ARPP21: variants seen among roughly 807,000 people sequenced by gnomAD.
The protein encoded by ARPP21 is cAMP-regulated phosphoprotein 21.
A neutral mutation model predicts 113.2 loss-of-function variants in ARPP21; 69 were observed. The ratio of observed to expected loss-of-function variants is 0.61; its 90% CI spans 0.50 to 0.74. ARPP21 has a LOEUF of 0.74. Among genes scored for constraint, ARPP21 ranks in the 30% least tolerant of loss-of-function variants. The pLI is 0.00. For missense variants in ARPP21, 1,070 were observed against 1,037.4 expected, an observed-to-expected ratio of 1.03 and a Z score of -0.43; for synonymous variants, 368 against 375.5, an observed-to-expected ratio of 0.98 and a Z score of 0.23.
intron 19 of ARPP21, among the ~76,000 whole-genome samples, chr3:35,785,425 C>G (rs950458388): frequency 5.3e-5 from 8 of 152,146 alleles, no homozygotes; most frequent in Non-Finnish European, 1.0e-4. Context: ...TCAATGCTGG[C>G]TTCCCTTGGA....
At chr3:35,760,399 C>A (rs1400634220) in intron 19 of ARPP21, among the ~76,000 whole-genome samples, 3 of 152,060 alleles carry the variant, frequency 2.0e-5, no homozygotes, top group Non-Finnish European at 4.4e-5. Flanking sequence ...TGCCATCTGG[C>A]TCTTTCTGCT....
intron 19 of ARPP21, chr3:35,744,438 G>T (rs1423086327): frequency 1.9e-6 from 1 of 519,746 alleles, no homozygotes. Context: ...TCACTTTCAT[G>T]ATGGCCACAT....
chr3:35,776,773 G>A (rs2096382305), intron 19 of ARPP21, among the ~76,000 whole-genome samples: 1 of 152,066 alleles, frequency 6.6e-6, no homozygotes, highest in African/African-American at 2.4e-5. Flanking sequence ...CAGCAGACTG[G>A]CTGTCCTAAA....
chr3:35,692,737 T>C (rs1450597994), intron 9 of ARPP21, among the ~76,000 whole-genome samples: 1 of 151,654 alleles, frequency 6.6e-6, no homozygotes, highest in Non-Finnish European at 1.5e-5. Context: ...AAACCTGATC[T>C]GCCCGGTATG....
At chr3:35,685,917 C>G (rs779581023) in intron 5 of ARPP21, 2 of 452,210 alleles carry the variant, frequency 4.4e-6, no homozygotes, top group Non-Finnish European at 5.8e-6. Flanking sequence ...GTTCTTTCAA[C>G]ACCGTAATAT....
rs764295442 is a variant in ARPP21, at chr3:35,743,054, A to G, written c.2011-785A>G. Among the ~76,000 whole-genome samples, 4 of 152,326 alleles carry G rather than the reference A, an allele frequency of 2.6e-5. No individual in the cohort carries two copies. In the South Asian group the frequency reaches 8.3e-4, roughly 32 times the overall value. On this transcript the variant is annotated intron_variant, in intron 18 of 20. Transcript: ENST00000684406. ...AGGTAGCATAAACAACATTTTTATC[A>G]TATTTTCCCTTTTAGATTGAACATA...
chr3:35,640,665 T>C (rs551692754), intron 1 of ARPP21, among the ~76,000 whole-genome samples: 1 of 152,216 alleles, frequency 6.6e-6, no homozygotes. Flanking sequence ...AAGTCTACAG[T>C]GATTTGTATA....
At position 35,683,823 on chromosome 3, in the gene ARPP21, C is replaced by A; in HGVS notation, c.261+8C>A. 1.5e-6 allele frequency: 2 copies of A among 1,324,008 alleles called. No individual in the cohort carries two copies. The highest frequency in any genetic ancestry group is 2.2e-6 in the Non-Finnish European group (2 of 917,670). The allele number at this position is 1,324,008 out of a possible 1,614,324, so 82.0% of individuals were successfully genotyped here. ...GAAAGTCTTCAGGATCAGGTATATCCCCTTGCCATTATCATTAATTGCATG... is the reference window on the plus strand; with the variant it reads ...GAAAGTCTTCAGGATCAGGTATATCACCTTGCCATTATCATTAATTGCATG... On this transcript the variant is annotated splice_region_variant and intron_variant, in intron 5 of 20. Transcript: ENST00000684406.
intron 19 of ARPP21, among the ~76,000 whole-genome samples, chr3:35,787,521 T>C (rs978727882): frequency 6.6e-6 from 1 of 152,182 alleles, no homozygotes. Context: ...GCCTCACCCA[T>C]ACCTCACCCC....
chr3:35,755,705 T>A (rs1037900470), intron 19 of ARPP21, among the ~76,000 whole-genome samples: 2 of 152,084 alleles, frequency 1.3e-5, no homozygotes, highest in Non-Finnish European at 2.9e-5. Flanking sequence ...CCCTCAGGAT[T>A]TGTGACTTCA....
At chr3:35,642,302 T>G (rs1698360363) in intron 1 of ARPP21, 1 of 152,158 alleles carries the variant, frequency 6.6e-6, no homozygotes. Context: ...AGTCTATTTT[T>G]AATGCTATTT....
At chr3:35,786,005 A>G (rs2096625345) in intron 19 of ARPP21, among the ~76,000 whole-genome samples, 1 of 152,214 alleles carries the variant, frequency 6.6e-6, no homozygotes, top group African/African-American at 2.4e-5. Flanking sequence ...TTTACGTCAA[A>G]GATGAAAGAA....
At chr3:35,759,713 T>C (rs1212537982) in intron 19 of ARPP21, among the ~76,000 whole-genome samples, 1 of 151,228 alleles carries the variant, frequency 6.6e-6, no homozygotes, top group East Asian at 1.9e-4. Context: ...TGTGTATGAC[T>C]TAAACAACTG....
chr3:35,677,941 C>T (rs964299538), intron 1 of ARPP21, among the ~76,000 whole-genome samples: 11 of 152,076 alleles, frequency 7.2e-5, no homozygotes, highest in African/African-American at 2.4e-4. Context: ...CCTCTCTGCT[C>T]ATTCCCATAT....
At chr3:35,677,670 C>G (rs2077868097) in intron 1 of ARPP21, among the ~76,000 whole-genome samples, 1 of 151,914 alleles carries the variant, frequency 6.6e-6, no homozygotes, top group Non-Finnish European at 1.5e-5. Context: ...CTTCTTTCTC[C>G]TTCCATCCTT....
At chr3:35,668,888 T>A (rs149319575) in intron 1 of ARPP21, among the ~76,000 whole-genome samples, 3 of 152,266 alleles carry the variant, frequency 2.0e-5, no homozygotes, top group East Asian at 3.9e-4. Flanking sequence ...AGAACACATT[T>A]TTCTATTTAG....
At chr3:35,709,856 C>T (rs146934800) in intron 11 of ARPP21, among the ~76,000 whole-genome samples, 55 of 152,262 alleles carry the variant, frequency 3.6e-4, no homozygotes, top group South Asian at 6.2e-4. Context: ...TGTAAGACTC[C>T]GTGGCCAACA....
At chr3:35,715,358 T>C in intron 11 of ARPP21, 81 bp from the exon 12 acceptor site, 1 of 1,119,638 alleles carries the variant, frequency 8.9e-7, no homozygotes, top group East Asian at 2.4e-5. Context: ...AGGGGAAAGT[T>C]AGTTTTAAAA....
intron 1 of ARPP21, among the ~76,000 whole-genome samples, chr3:35,656,504 G>T (rs944447418): frequency 6.6e-6 from 1 of 152,028 alleles, no homozygotes; most frequent in South Asian, 2.1e-4. Context: ...ATTACTAATC[G>T]ACACAATAGT....
Sources: gnomAD v4.1 joint callset for allele counts (sites outside exome capture counted in the v4.1 genomes callset) on GRCh38, gnomAD v4.1.1 for gene constraint, MANE v1.5 for transcripts, NCBI Gene and HGNC (gene_info 2026-07-23, HGNC 2026-07-21) for gene names.